Variants in U2SURP observed in about 807,000 individuals in gnomAD.
U2SURP encodes the protein U2 snRNP associated SURP domain containing, also known as U2 snRNP-associated SURP motif-containing protein.
U2SURP carries 9 observed loss-of-function variants against 144.9 expected under a neutral mutation model. The observed-to-expected ratio is 0.06, with a 90% CI of 0.04 to 0.11. U2SURP has a LOEUF of 0.11. Among genes scored for constraint, U2SURP ranks in the 10% least tolerant of loss-of-function variants. U2SURP has a pLI of 1.00. For missense variants in U2SURP, 724 were observed against 1,226.7 expected, an observed-to-expected ratio of 0.59 and a Z score of 6.12; for synonymous variants, 408 against 396.8, an observed-to-expected ratio of 1.03 and a Z score of -0.33.
intron 26 of U2SURP, 78 bp downstream of exon 26, chr3:143,053,872 A>G: frequency 8.5e-7 from 1 of 1,177,070 alleles, no homozygotes; most frequent in Non-Finnish European, 1.2e-6. Flanking sequence ...TTCATCATTG[A>G]TGCCCGCAAA....
intron 20 of U2SURP, 147 bp downstream of exon 20, chr3:143,036,251 G>A (rs1933802769): frequency 1.1e-6 from 1 of 912,290 alleles, no homozygotes; most frequent in Non-Finnish European, 1.5e-6. Flanking sequence ...TTTTATTGCT[G>A]GAACCCAGAA....
chr3:143,002,581 C>T (rs1402598418), intron 1 of U2SURP, among the ~76,000 whole-genome samples: 1 of 152,144 alleles, frequency 6.6e-6, no homozygotes, highest in African/African-American at 2.4e-5. Context: ...CTTTCCGATG[C>T]TGATGCAAGA....
chr3:143,048,132 T>TA (rs1560204823), intron 24 of U2SURP, among the ~76,000 whole-genome samples: 1 of 152,194 alleles, frequency 6.6e-6, no homozygotes, highest in Non-Finnish European at 1.5e-5. Flanking sequence ...TGGAAGGTGA[T>TA]ACCTGTCTGT....
chr3:143,007,977 G>GTAGC (rs1935932151), intron 1 of U2SURP, among the ~76,000 whole-genome samples: 1 of 152,236 alleles, frequency 6.6e-6, no homozygotes, highest in African/African-American at 2.4e-5. Context: ...TGAATGCTAT[G>GTAGC]TAGCTGTAGG....
At chr3:143,042,734 C>G (rs1210455060) in intron 23 of U2SURP, among the ~76,000 whole-genome samples, 1 of 152,140 alleles carries the variant, frequency 6.6e-6, no homozygotes. Context: ...AGTGAAATAA[C>G]TCAGGAATGG....
At chr3:143,014,726 A>T (rs1340996276) in intron 4 of U2SURP, among the ~76,000 whole-genome samples, 1 of 152,090 alleles carries the variant, frequency 6.6e-6, no homozygotes, top group East Asian at 1.9e-4. Context: ...TTTATACAGT[A>T]CACTTTTTTC....
chr3:143,057,170 A>C lies in U2SURP; in HGVS notation c.*720A>C, dbSNP rs1023108424. The C allele has an allele frequency of 6.6e-6, 1 of 152,478 alleles. No individual in the cohort carries two copies. Among genetic ancestry groups the C allele is most frequent in the Non-Finnish European group, 1.5e-5 (1 of 67,932 alleles). The allele number at this position is 152,478 out of a possible 1,614,324, so 9.4% of individuals were successfully genotyped here. On this transcript the variant is annotated 3_prime_UTR_variant, in exon 28 of 28. Coordinates refer to ENST00000473835, the MANE Select transcript of U2SURP (RefSeq NM_001080415.2). ...CACAGAAGCAATATGATTTCCATAC[A>C]TCCAACCCATGTTCTGAGCAACTAC...
intron 13 of U2SURP, 150 bp from the exon 14 acceptor site, chr3:143,026,999 A>G: frequency 3.3e-6 from 2 of 610,786 alleles, no homozygotes; most frequent in Non-Finnish European, 5.8e-6. Context: ...CAAGGCATTA[A>G]CATATGCTCC....
intron 1 of U2SURP, among the ~76,000 whole-genome samples, chr3:143,007,739 G>A (rs572059737): frequency 1.1e-3 from 167 of 152,180 alleles, no homozygotes; most frequent in African/African-American, 3.4e-3. Flanking sequence ...CACCGCGCCC[G>A]GCCGACTTCA....
intron 24 of U2SURP, among the ~76,000 whole-genome samples, chr3:143,044,256 TC>T (rs1327892579): frequency 6.7e-6 from 1 of 148,616 alleles, no homozygotes; most frequent in Non-Finnish European, 1.5e-5. Flanking sequence ...GGCAGACATT[TC>T]CCTCCCTTTC....
intron 1 of U2SURP, among the ~76,000 whole-genome samples, chr3:143,009,981 A>C (rs1457576686): frequency 6.6e-6 from 1 of 152,242 alleles, no homozygotes; most frequent in Non-Finnish European, 1.5e-5. Flanking sequence ...GTAAAATTTC[A>C]CTACCGTATA....
rs532082345 is a variant in U2SURP at position 143,030,277 on chromosome 3, G to T, written c.1610+1631G>T. ...AGGACAGGCTGACTCTCTTATTAGG[G>T]GCTAATGCAGCTGGTGACTTAAAGT... is the stretch of plus-strand genomic sequence containing the variant. On this transcript the variant is annotated intron_variant, in intron 16 of 27. Transcript: ENST00000473835. Among the ~76,000 whole-genome samples the T allele has an allele frequency of 2.0e-4, 31 of 152,250 alleles. No homozygotes were observed. The South Asian group carries it at 6.2e-3, about 31-fold the overall frequency.
At chr3:143,042,052 A>G (rs1373815508) in intron 23 of U2SURP, among the ~76,000 whole-genome samples, 1 of 152,062 alleles carries the variant, frequency 6.6e-6, no homozygotes, top group African/African-American at 2.4e-5. Context: ...CTTCAAGAAC[A>G]TTTGGTTAAT....
At chr3:143,025,546 G>A (rs1246880318) in intron 13 of U2SURP, among the ~76,000 whole-genome samples, 7 of 152,014 alleles carry the variant, frequency 4.6e-5, no homozygotes, top group South Asian at 2.1e-4. Flanking sequence ...GGGGAGTTTT[G>A]GAATTGAATC....
chr3:143,001,615 G>A lies in U2SURP; in HGVS notation c.-14G>A, dbSNP rs1391785764. ...CGTGCTGCTGCCGCCGCCGAAGGAG[G>A]GGCAAAGCTCAAGATGGCGGACAAA... is the stretch of plus-strand genomic sequence containing the variant. On this transcript the variant is annotated 5_prime_UTR_variant, in exon 1 of 28. Transcript: ENST00000473835. 1.9e-6 allele frequency: 3 copies of A among 1,613,786 alleles called. No homozygotes were observed. The highest frequency in any genetic ancestry group is 2.2e-5 in the South Asian group (2 of 91,058).
At chr3:143,016,153 T>A in intron 4 of U2SURP, 104 bp from the exon 5 acceptor site, 1 of 900,502 alleles carries the variant, frequency 1.1e-6, no homozygotes, top group South Asian at 1.6e-5. Context: ...CTGCTTAACC[T>A]GGGAAGGGAG....
At chr3:143,023,693 T>C (rs538839908) in intron 12 of U2SURP, among the ~76,000 whole-genome samples, 148 of 152,350 alleles carry the variant, frequency 9.7e-4, no homozygotes, top group Non-Finnish European at 1.6e-3. Flanking sequence ...TTAAAATCTT[T>C]ATCTGATAAT....
Position 143,057,690 on chromosome 3 carries a change from A to G in U2SURP, c.*1240A>G, listed in dbSNP as rs1389968079. 1 of 151,868 alleles carries G rather than the reference A, an allele frequency of 6.6e-6. No homozygotes were observed. Among genetic ancestry groups the G allele is most frequent in the Non-Finnish European group, 1.5e-5 (1 of 67,828 alleles). The allele number at this position is 151,868 out of a possible 1,614,324, so 9.4% of individuals were successfully genotyped here. ...GAATCTTGATTTCAGTTTTTTATGT[A>G]GGCACTTCATACACTGGTTTGATGG... is the stretch of plus-strand genomic sequence containing the variant. On this transcript the variant is annotated 3_prime_UTR_variant, in exon 28 of 28. Coordinates refer to ENST00000473835, the MANE Select transcript of U2SURP (RefSeq NM_001080415.2).
intron 16 of U2SURP, among the ~76,000 whole-genome samples, chr3:143,030,969 A>C (rs1299747978): frequency 6.6e-6 from 1 of 152,242 alleles, no homozygotes; most frequent in Non-Finnish European, 1.5e-5. Flanking sequence ...GGAAGAAGTT[A>C]GTCCCTCATA....
Sources: allele counts gnomAD v4.1 joint callset (sites outside exome capture counted in the v4.1 genomes callset), GRCh38; gene constraint gnomAD v4.1.1; transcripts MANE v1.5; gene names NCBI Gene and HGNC (gene_info 2026-07-23, HGNC 2026-07-21).